The following NALF1 variants were observed in gnomAD, a reference collection of about 807,000 sequenced individuals.
The protein encoded by NALF1 is family with sequence similarity 155 member A.
In NALF1, 3 loss-of-function variants were observed where a neutral mutation model predicts 48.4. That is an observed-to-expected ratio of 0.06 (90% confidence interval 0.03 to 0.16). The LOEUF (loss-of-function observed/expected upper bound fraction) is 0.16. Ranked by LOEUF, NALF1 falls within the 10% of genes least tolerant of loss-of-function variation. The pLI is 1.00. For missense variants in NALF1, 526 were observed against 571.5 expected, an observed-to-expected ratio of 0.92 and a Z score of 0.81; for synonymous variants, 262 against 245.7, an observed-to-expected ratio of 1.07 and a Z score of -0.62.
chr13:107,198,769 C>CG (rs1490193052), intron 2 of NALF1, among the ~76,000 whole-genome samples: 3 of 152,198 alleles, frequency 2.0e-5, no homozygotes, highest in East Asian at 3.9e-4. Context: ...TGGCTCCTTC[C>CG]GGGGGGTTTT....
rs1418893369 is a variant in NALF1 at position 107,325,881 on chromosome 13, T to C, written c.916-115126A>G. 1.5e-4 allele frequency among the ~76,000 whole-genome samples: 16 copies of C among 107,046 alleles called. 2 individuals carry two copies. The South Asian group carries it at 4.6e-3, about 30-fold the overall frequency. The allele number at this position is 107,046 out of a possible 152,430, so 70.2% of individuals were successfully genotyped here. ...ATATATATATATATATATATATATA[T>C]ATATATACACACACACACACACACA... On this transcript the variant is annotated intron_variant, in intron 1 of 2. Transcript: ENST00000375915.
intron 1 of NALF1, among the ~76,000 whole-genome samples, chr13:107,555,156 C>T (rs896613120): frequency 6.6e-6 from 1 of 151,944 alleles, no homozygotes; most frequent in Non-Finnish European, 1.5e-5. Flanking sequence ...TGTAATTCAC[C>T]ACCCGAACCA....
At chr13:107,577,589 A>C (rs1878189596) in intron 1 of NALF1, among the ~76,000 whole-genome samples, 2 of 152,194 alleles carry the variant, frequency 1.3e-5, no homozygotes, top group African/African-American at 4.8e-5. Context: ...CCCTCACTGA[A>C]TTTATTAGCT....
chr13:107,593,552 A>G (rs944230712), intron 1 of NALF1, among the ~76,000 whole-genome samples: 3 of 151,936 alleles, frequency 2.0e-5, no homozygotes, highest in Non-Finnish European at 2.9e-5. Context: ...ATAAACACAC[A>G]GGACTTTAAA....
At chr13:107,859,302 C>G (rs532926631) in intron 1 of NALF1, among the ~76,000 whole-genome samples, 3 of 152,268 alleles carry the variant, frequency 2.0e-5, no homozygotes, top group African/African-American at 7.2e-5. Flanking sequence ...ATTCACCCAC[C>G]ACACATGTTC....
At chr13:107,531,103 A>C (rs959045869) in intron 1 of NALF1, 2 of 161,966 alleles carry the variant, frequency 1.2e-5, no homozygotes, top group Non-Finnish European at 2.9e-5. Flanking sequence ...ATGGACTTTT[A>C]ACATATATTT....
chr13:107,569,038 A>G (rs933941694), intron 1 of NALF1, among the ~76,000 whole-genome samples: 4 of 152,152 alleles, frequency 2.6e-5, no homozygotes, highest in African/African-American at 9.7e-5. Context: ...TGTCCTTTCT[A>G]AAAGTTTTAT....
chr13:107,231,342 A>G (rs1880221250), intron 1 of NALF1, among the ~76,000 whole-genome samples: 1 of 152,206 alleles, frequency 6.6e-6, no homozygotes, highest in African/African-American at 2.4e-5. Flanking sequence ...TATCTTTTAC[A>G]ATATTAATGA....
At chr13:107,572,689 G>A (rs1212840203) in intron 1 of NALF1, among the ~76,000 whole-genome samples, 1 of 152,016 alleles carries the variant, frequency 6.6e-6, no homozygotes, top group Non-Finnish European at 1.5e-5. Flanking sequence ...GAACTAATTA[G>A]CAAATAAACT....
At chr13:107,643,874 T>C (rs994571940) in intron 1 of NALF1, among the ~76,000 whole-genome samples, 1 of 151,868 alleles carries the variant, frequency 6.6e-6, no homozygotes, top group African/African-American at 2.4e-5. Flanking sequence ...GGTCAGAGCT[T>C]GGTCTGCCCA....
At chr13:107,539,179 T>C (rs979804463) in intron 1 of NALF1, among the ~76,000 whole-genome samples, 2 of 151,896 alleles carry the variant, frequency 1.3e-5, no homozygotes, top group African/African-American at 4.9e-5. Context: ...GGTCAATTTA[T>C]CAAGAAAATA....
intron 1 of NALF1, among the ~76,000 whole-genome samples, chr13:107,520,463 A>C (rs1876201632): frequency 6.6e-6 from 1 of 152,222 alleles, no homozygotes; most frequent in Admixed American, 6.5e-5. Context: ...TGAAGAAATG[A>C]GCTCAGAGAT....
At chr13:107,258,844 G>C (rs1231092188) in intron 1 of NALF1, among the ~76,000 whole-genome samples, 1 of 135,354 alleles carries the variant, frequency 7.4e-6, no homozygotes, top group Non-Finnish European at 1.6e-5. Flanking sequence ...TTAAGGAATT[G>C]AGGATGTTTA....
intron 1 of NALF1, among the ~76,000 whole-genome samples, chr13:107,432,369 C>A (rs1203457719): frequency 6.6e-6 from 1 of 152,138 alleles, no homozygotes; most frequent in Non-Finnish European, 1.5e-5. Flanking sequence ...AACTATATTA[C>A]TATCATCACA....
intron 1 of NALF1, among the ~76,000 whole-genome samples, chr13:107,234,332 CCTG>C (rs1880292668): frequency 6.6e-6 from 1 of 152,180 alleles, no homozygotes; most frequent in South Asian, 2.1e-4. Flanking sequence ...GGTGACTTTG[CCTG>C]CTTTCCCCAG....
chr13:107,548,728 G>A (rs946283592), intron 1 of NALF1, among the ~76,000 whole-genome samples: 1 of 151,982 alleles, frequency 6.6e-6, no homozygotes, highest in Non-Finnish European at 1.5e-5. Context: ...AGCACCAAGC[G>A]TGTTCTGTTG....
intron 2 of NALF1, among the ~76,000 whole-genome samples, chr13:107,173,621 C>T (rs1474377480): frequency 1.3e-5 from 2 of 152,196 alleles, no homozygotes; most frequent in Non-Finnish European, 2.9e-5. Context: ...CACTGCAGTG[C>T]TGGATCCCCT....
At chr13:107,605,062 G>A (rs914821120) in intron 1 of NALF1, among the ~76,000 whole-genome samples, 1 of 152,150 alleles carries the variant, frequency 6.6e-6, no homozygotes, top group African/African-American at 2.4e-5. Flanking sequence ...ATTTGTCCCA[G>A]GGCGCAGAAC....
At chr13:107,342,334 A>G (rs909639990) in intron 1 of NALF1, among the ~76,000 whole-genome samples, 1 of 152,224 alleles carries the variant, frequency 6.6e-6, no homozygotes, top group African/African-American at 2.4e-5. Flanking sequence ...TGACAAAGGG[A>G]CCAGATAGTA....
Sources: gnomAD v4.1 joint callset for allele counts (sites outside exome capture counted in the v4.1 genomes callset) on GRCh38, gnomAD v4.1.1 for gene constraint, MANE v1.5 for transcripts, NCBI Gene and HGNC (gene_info 2026-07-23, HGNC 2026-07-21) for gene names.